Variants in TTC6 observed in about 807,000 individuals in gnomAD.
The protein encoded by TTC6 is tetratricopeptide repeat protein 6.
In TTC6, 172 loss-of-function variants were observed where a neutral mutation model predicts 210.4. The observed-to-expected ratio is 0.82, with a 90% CI of 0.72 to 0.93. The LOEUF (loss-of-function observed/expected upper bound fraction) is 0.93, where lower values mean the gene tolerates loss of function less well. Among genes scored for constraint, TTC6 ranks in the 40% least tolerant of loss-of-function variants. The pLI is 0.00. For missense variants in TTC6, 2,414 were observed against 2,318.1 expected (o/e 1.04, Z -0.85); for synonymous variants, 804 against 819.6 (o/e 0.98, Z 0.32).
In TTC6 at chr14:37,780,166, T is replaced by TA. The variant is rs574628001; in HGVS notation, c.3267-7301dup. Among the ~76,000 whole-genome samples the TA allele has an allele frequency of 1.6e-4, 24 of 152,360 alleles. No homozygotes were observed. The East Asian group carries it at 4.4e-3, about 28-fold the overall frequency. On this transcript the variant is annotated intron_variant, in intron 14 of 30. Transcript: ENST00000553443. ...CTCAAAATTAATTAGTAATATTTTTTAGCAGTGAATACTAATTAAAAATAA... is the reference window on the plus strand; with the variant it reads ...CTCAAAATTAATTAGTAATATTTTTTAAGCAGTGAATACTAATTAAAAATAA...
intron 10 of TTC6, among the ~76,000 whole-genome samples, chr14:37,747,626 T>C (rs1160823272): frequency 6.6e-6 from 1 of 152,158 alleles, no homozygotes; most frequent in Non-Finnish European, 1.5e-5. Flanking sequence ...CCTCCTTCCC[T>C]CTGTTGGAGT....
intron 20 of TTC6, among the ~76,000 whole-genome samples, chr14:37,802,741 T>C (rs1449415397): frequency 2.6e-5 from 4 of 151,578 alleles, no homozygotes; most frequent in Middle Eastern, 3.4e-3. Context: ...TTTTCTCTTT[T>C]TTTTTTTTTT....
chr14:37,615,073 T>C (rs542403443), intron 2 of TTC6, among the ~76,000 whole-genome samples: 1 of 152,302 alleles, frequency 6.6e-6, no homozygotes, highest in East Asian at 1.9e-4. Flanking sequence ...AAAAATCTTT[T>C]AGCATGTTAC....
chr14:37,644,282 A>T (rs546835503), intron 1 of TTC6, among the ~76,000 whole-genome samples: 1 of 152,292 alleles, frequency 6.6e-6, no homozygotes, highest in Non-Finnish European at 1.5e-5. Context: ...AGGTAATGCA[A>T]TACCAATGTG....
exon 10 of TTC6, chr14:37,739,040 A>G: frequency 6.5e-7 from 1 of 1,535,544 alleles, no homozygotes; most frequent in African/African-American, 1.4e-5. Context: ...AAAAGCTGGC[A>G]TTAGTTACAT....
intron 25 of TTC6, among the ~76,000 whole-genome samples, chr14:37,816,543 T>G (rs968169752): frequency 6.6e-6 from 1 of 152,132 alleles, no homozygotes; most frequent in African/African-American, 2.4e-5. Context: ...CTTGATCAAG[T>G]GACATCACAA....
intron 7 of TTC6, among the ~76,000 whole-genome samples, chr14:37,727,939 A>G (rs965208611): frequency 1.3e-5 from 2 of 152,144 alleles, no homozygotes; most frequent in African/African-American, 4.8e-5. Flanking sequence ...CTCTCAGTTA[A>G]TTCAGTGGTA....
chr14:37,696,977 A>C (rs900808919), intron 4 of TTC6, 142 bp downstream of exon 6: 3 of 403,758 alleles, frequency 7.4e-6, no homozygotes, highest in Non-Finnish European at 1.3e-5. Context: ...TCTCACAGGA[A>C]AAGTTGGTGG....
chr14:37,662,584 A>G (rs1470823786), intron 1 of TTC6, among the ~76,000 whole-genome samples: 1 of 152,050 alleles, frequency 6.6e-6, no homozygotes, highest in South Asian at 2.1e-4. Context: ...TGATTTTTGT[A>G]TATGGTGAAA....
In TTC6 at chr14:37,664,712, A is replaced by G. The variant is rs147362440; in HGVS notation, c.940-15439A>G. On this transcript the variant is annotated intron_variant, in intron 1 of 30. Coordinates refer to ENST00000553443, the Ensembl canonical transcript of TTC6. Reference sequence around the variant, plus strand: ...AAGAAACTATAATCAGAGTGAACAGACAACCTACAAAATTGGGGAAAATTT... The same window carrying G: ...AAGAAACTATAATCAGAGTGAACAGGCAACCTACAAAATTGGGGAAAATTT... Among the ~76,000 whole-genome samples the G allele has an allele frequency of 5.6e-3, 843 of 150,808 alleles. 21 individuals carry two copies. The highest frequency in any genetic ancestry group is 0.017 in the African/African-American group (705 of 41,452).
chr14:37,743,294 C>T (rs728089), intron 10 of TTC6, among the ~76,000 whole-genome samples: 100,800 of 152,126 alleles, frequency 0.66, 33,963 homozygotes, highest in East Asian at 0.89. Context: ...CTTTGTATTA[C>T]TTACTTTCAG....
chr14:37,742,204 C>G (rs2095922182), intron 10 of TTC6, among the ~76,000 whole-genome samples: 4 of 152,104 alleles, frequency 2.6e-5, no homozygotes, highest in South Asian at 4.1e-4. Context: ...TTCTTGTGCC[C>G]CTTTCTAGAA....
chr14:37,646,268 T>C lies in TTC6; in HGVS notation c.939+23265T>C, dbSNP rs145651224. Among the ~76,000 whole-genome samples, 94 of 152,320 alleles carry C rather than the reference T, an allele frequency of 6.2e-4. No individual in the cohort carries two copies. The East Asian group carries it at 0.017, about 28-fold the overall frequency. ...ATGGAGAAAATGAGCTAGGCCTCTT[T>C]ATAAATGTAATGTCAAAATAAATCT... On this transcript the variant is annotated intron_variant, in intron 1 of 30. Coordinates refer to ENST00000553443, the Ensembl canonical transcript of TTC6.
rs544485933 is a variant in TTC6, at chr14:37,767,905, G to A, written c.3266+14670G>A. ...CTATGTCCTGAATGGTAATGCCTAG[G>A]TTTTCTTCTACGGTTTTTATGGTTT... is the stretch of plus-strand genomic sequence containing the variant. On this transcript the variant is annotated intron_variant, in intron 14 of 30. Coordinates refer to ENST00000553443, the Ensembl canonical transcript of TTC6. Among the ~76,000 whole-genome samples, 702 of 144,202 alleles carry A rather than the reference G, an allele frequency of 4.9e-3. 13 individuals carry two copies. The highest frequency in any genetic ancestry group is 0.016 in the African/African-American group (661 of 40,296). 94.6% of individuals were successfully genotyped at this position (144,202 alleles called of 152,430 possible).
chr14:37,622,532 G>A (rs1433136891), exon 1 of TTC6: 1 of 1,535,136 alleles, frequency 6.5e-7, no homozygotes, highest in Admixed American at 2.0e-5. Flanking sequence ...CTCCGCCCGA[G>A]CCACCCGTGA....
At chr14:37,808,928 A>G in intron 24 of TTC6, 82 bp downstream of exon 26, 1 of 699,954 alleles carries the variant, frequency 1.4e-6, no homozygotes, top group Non-Finnish European at 2.4e-6. Context: ...ATTTCAATCA[A>G]TAAATATTTA....
chr14:37,788,198 A>G (rs1189970877), intron 15 of TTC6, among the ~76,000 whole-genome samples: 1 of 152,152 alleles, frequency 6.6e-6, no homozygotes, highest in African/African-American at 2.4e-5. Context: ...GTTACTCTCA[A>G]TCAGCACACT....
At chr14:37,622,250 C>G (rs533775542) in exon 1 of TTC6, 2 of 1,535,286 alleles carry the variant, frequency 1.3e-6, no homozygotes, top group East Asian at 2.5e-5. Flanking sequence ...CGGCCCGCCC[C>G]GCGCGCGTTT....
exon 28 of TTC6, chr14:37,826,247 C>G (rs1356677600): frequency 6.2e-7 from 1 of 1,611,830 alleles, no homozygotes; most frequent in Non-Finnish European, 8.5e-7. Context: ...GCCATAGATA[C>G]TGATCCAAAG....
Sources: gnomAD v4.1 joint callset for allele counts (sites outside exome capture counted in the v4.1 genomes callset) on GRCh38, gnomAD v4.1.1 for gene constraint, MANE v1.5 for transcripts, NCBI Gene and HGNC (gene_info 2026-07-23, HGNC 2026-07-21) for gene names.